Variants in PRKD1 observed in about 807,000 individuals in gnomAD.
PRKD1 encodes the protein protein kinase D1, also known as serine/threonine-protein kinase D1.
Under a neutral mutation model 95.9 loss-of-function variants are expected in PRKD1, and 63 were observed. The observed-to-expected ratio is 0.66, with a 90% CI of 0.54 to 0.81. The LOEUF is 0.81. Among genes scored for constraint, PRKD1 ranks in the 30% least tolerant of loss-of-function variants. The pLI, the probability that PRKD1 is intolerant of heterozygous loss-of-function variation, is 0.00. For missense variants in PRKD1, 1,048 were observed against 1,165.3 expected (o/e 0.90, Z 1.47); for synonymous variants, 425 against 423.1 (o/e 1.00, Z -0.05).
intron 17 of PRKD1, 114 bp downstream of exon 17, chr14:29,578,161 T>C (rs1892626209): frequency 1.2e-6 from 1 of 807,082 alleles, no homozygotes; most frequent in Non-Finnish European, 2.0e-6. Flanking sequence ...AGCAAATAAA[T>C]TGATATTAGA....
At position 29,908,896 on chromosome 14, in the gene PRKD1, C is replaced by T. The variant is rs575573811; in HGVS notation, c.264+18353G>A. On this transcript the variant is annotated intron_variant, in intron 1 of 17. Coordinates refer to ENST00000331968, the MANE Select transcript of PRKD1 (RefSeq NM_002742.3). ...TTGGCCTCAGCACCCACTCTGGCCA[C>T]GCTTGAGGAGCCCTTTAGCCCACTG... Among the ~76,000 whole-genome samples the T allele has an allele frequency of 7.4e-4, 112 of 152,316 alleles. 2 individuals are homozygous for T. The South Asian group carries it at 0.021, about 29-fold the overall frequency.
chr14:29,867,726 T>G (rs978962913), intron 1 of PRKD1, among the ~76,000 whole-genome samples: 3 of 152,210 alleles, frequency 2.0e-5, no homozygotes, highest in African/African-American at 7.2e-5. Flanking sequence ...CCAGGGGGTA[T>G]CTGCAGGAAG....
intron 1 of PRKD1, among the ~76,000 whole-genome samples, chr14:29,848,124 T>C (rs1172636236): frequency 6.6e-6 from 1 of 152,156 alleles, no homozygotes; most frequent in Non-Finnish European, 1.5e-5. Context: ...CCCAGTCCTA[T>C]GGCAGGCAGC....
At chr14:29,712,688 A>G (rs1056447963) in intron 2 of PRKD1, among the ~76,000 whole-genome samples, 10 of 152,176 alleles carry the variant, frequency 6.6e-5, no homozygotes, top group Admixed American at 6.6e-5. Flanking sequence ...TTATTCCTCC[A>G]TACTGGCATA....
At chr14:29,839,841 G>C (rs1891760286) in intron 1 of PRKD1, among the ~76,000 whole-genome samples, 2 of 151,942 alleles carry the variant, frequency 1.3e-5, no homozygotes, top group Admixed American at 6.6e-5. Flanking sequence ...GACACAGCTG[G>C]AGCAGCTGGG....
At chr14:29,671,972 T>C (rs903555087) in intron 2 of PRKD1, among the ~76,000 whole-genome samples, 4 of 152,202 alleles carry the variant, frequency 2.6e-5, no homozygotes, top group African/African-American at 9.7e-5. Context: ...CTAGAATTAG[T>C]GACCCAGAAA....
intron 2 of PRKD1, among the ~76,000 whole-genome samples, chr14:29,677,857 G>C (rs1284344952): frequency 6.6e-6 from 1 of 152,170 alleles, no homozygotes; most frequent in Non-Finnish European, 1.5e-5. Flanking sequence ...GTGCCACCGT[G>C]CCCAGCCCAG....
intron 1 of PRKD1, among the ~76,000 whole-genome samples, chr14:29,874,595 T>C (rs778752564): frequency 6.6e-6 from 1 of 152,128 alleles, no homozygotes; most frequent in African/African-American, 2.4e-5. Flanking sequence ...TAAGTGTCCA[T>C]CAATGGGCAA....
intron 2 of PRKD1, among the ~76,000 whole-genome samples, chr14:29,680,589 A>G (rs970834094): frequency 6.6e-6 from 1 of 152,208 alleles, no homozygotes; most frequent in Admixed American, 6.5e-5. Flanking sequence ...TGCATGAAAG[A>G]AACAAAATAC....
Position 29,626,958 on chromosome 14 carries a change from C to T in PRKD1, c.1726-402G>A, listed in dbSNP as rs142340156. 5.3e-3 allele frequency among the ~76,000 whole-genome samples: 800 copies of T among 152,162 alleles called. 4 individuals are homozygous for T. The highest frequency in any genetic ancestry group is 0.018 in the African/African-American group (754 of 41,538). On this transcript the variant is annotated intron_variant, in intron 11 of 17. Transcript: ENST00000331968. ...TGGAACTTCTGACCTAGTGATCCGC[C>T]TGCCTTGGCCTCCCAAGGTGCTGGG...
chr14:29,773,015 A>G (rs1448507599), intron 1 of PRKD1, among the ~76,000 whole-genome samples: 21 of 152,250 alleles, frequency 1.4e-4, no homozygotes, highest in Non-Finnish European at 7.3e-5. Flanking sequence ...GTGACTTAAG[A>G]TTTCTTAGTT....
At position 29,910,064 on chromosome 14, in the gene PRKD1, C is replaced by CCA. The variant is rs1230139897; in HGVS notation, c.264+17183_264+17184dup. ...AGTGGCAACCTGCTGGGGTCCCCTT[C>CCA]CACACTGTGGAAGCTTTGTTCTTTC... On this transcript the variant is annotated intron_variant, in intron 1 of 17. Coordinates refer to ENST00000331968, the MANE Select transcript of PRKD1 (RefSeq NM_002742.3). 2.0e-5 allele frequency among the ~76,000 whole-genome samples: 3 copies of CCA among 152,148 alleles called. No homozygotes were observed. The East Asian group carries it at 5.8e-4, about 29-fold the overall frequency.
At chr14:29,833,222 T>A (rs1891482832) in intron 1 of PRKD1, among the ~76,000 whole-genome samples, 1 of 152,268 alleles carries the variant, frequency 6.6e-6, no homozygotes, top group East Asian at 1.9e-4. Flanking sequence ...CTTTGGGAAA[T>A]CATGTGAATG....
chr14:29,671,603 G>GAA (rs35675113), intron 2 of PRKD1, among the ~76,000 whole-genome samples: 2 of 151,482 alleles, frequency 1.3e-5, no homozygotes, highest in African/African-American at 4.9e-5. Context: ...TAAACTAAAA[G>GAA]AAAAAAAATA....
intron 1 of PRKD1, among the ~76,000 whole-genome samples, chr14:29,879,852 C>T (rs903131961): frequency 2.6e-5 from 4 of 152,102 alleles, no homozygotes; most frequent in African/African-American, 7.2e-5. Context: ...CAGCATTTCG[C>T]CCCTGCCCTA....
chr14:29,822,885 A>T (rs1177159196), intron 1 of PRKD1, among the ~76,000 whole-genome samples: 1 of 152,198 alleles, frequency 6.6e-6, no homozygotes, highest in African/African-American at 2.4e-5. Context: ...ACTAAAGAAG[A>T]GCTAGATATT....
chr14:29,910,071 G>A (rs934203264), intron 1 of PRKD1, among the ~76,000 whole-genome samples: 7 of 152,150 alleles, frequency 4.6e-5, no homozygotes, highest in Non-Finnish European at 7.4e-5. Context: ...CTTCCACACT[G>A]TGGAAGCTTT....
chr14:29,660,465 T>C (rs1432086869), intron 4 of PRKD1, among the ~76,000 whole-genome samples: 2 of 152,204 alleles, frequency 1.3e-5, no homozygotes, highest in South Asian at 2.1e-4. Flanking sequence ...CTCTCTGTGA[T>C]TGGTCACTCA....
At chr14:29,782,195 G>C (rs1387608032) in intron 1 of PRKD1, among the ~76,000 whole-genome samples, 1 of 152,124 alleles carries the variant, frequency 6.6e-6, no homozygotes, top group Admixed American at 6.5e-5. Context: ...TGATGTACTG[G>C]TAAACATTTT....
Sources: gnomAD v4.1 joint callset for allele counts (sites outside exome capture counted in the v4.1 genomes callset) on GRCh38, gnomAD v4.1.1 for gene constraint, MANE v1.5 for transcripts, NCBI Gene and HGNC (gene_info 2026-07-23, HGNC 2026-07-21) for gene names.